Variants in RWDD1 observed in about 807,000 individuals in gnomAD.
The protein encoded by RWDD1 is RWD domain containing 1, also known as RWD domain-containing protein 1.
In RWDD1, 17 loss-of-function variants were observed where a neutral mutation model predicts 31.6. The observed-to-expected ratio is 0.54, with a 90% CI of 0.37 to 0.81. RWDD1 has a LOEUF of 0.81. Ranked by LOEUF, RWDD1 falls within the 30% of genes least tolerant of loss-of-function variation. The probability of loss-of-function intolerance (pLI) is 0.00; values close to 1 mark genes in which losing one functional copy is unlikely to be tolerated. For missense variants in RWDD1, 204 were observed against 274.5 expected (o/e 0.74, Z 1.82); for synonymous variants, 78 against 94.2 (o/e 0.83, Z 0.99).
At chr6:116,591,478 G>GT (rs773101722) in intron 6 of RWDD1, among the ~76,000 whole-genome samples, 3 of 152,190 alleles carry the variant, frequency 2.0e-5, no homozygotes, top group Non-Finnish European at 4.4e-5. Context: ...AAAACCTCAT[G>GT]TTTAACTCCT....
intron 3 of RWDD1, 130 bp from the exon 4 acceptor site, chr6:116,588,712 A>G (rs1775083135): frequency 5.1e-6 from 2 of 394,044 alleles, no homozygotes; most frequent in East Asian, 1.0e-4. Context: ...TTATTTATAT[A>G]TATGCTTACT....
At chr6:116,591,568 C>T (rs1291211640) in intron 6 of RWDD1, among the ~76,000 whole-genome samples, 2 of 152,242 alleles carry the variant, frequency 1.3e-5, no homozygotes, top group African/African-American at 2.4e-5. Flanking sequence ...CTTCTACCAC[C>T]TATACTCTTC....
chr6:116,571,718 C>T lies in RWDD1; in HGVS notation c.73+63C>T, dbSNP rs1774739647. 6.7e-6 allele frequency: 10 copies of T among 1,494,816 alleles called. No homozygotes were observed. The East Asian group carries it at 2.4e-4, about 35-fold the overall frequency. 92.6% of individuals were successfully genotyped at this position (1,494,816 alleles called of 1,614,324 possible). ...GTGGAGTAGGACGGGCAGGAGCTGC[C>T]GCAGCTCTGGGCCTCATAGGTTGGG... On this transcript the variant is annotated intron_variant, in intron 1 of 6. Transcript: ENST00000466444.
At chr6:116,587,954 A>G (rs1775073664) in intron 3 of RWDD1, among the ~76,000 whole-genome samples, 1 of 151,978 alleles carries the variant, frequency 6.6e-6, no homozygotes, top group African/African-American at 2.4e-5. Context: ...ATAATCCAGG[A>G]ATAGGTTTTG....
Position 116,597,360 on chromosome 6 carries a change from A to G in RWDD1, c.*4259A>G, listed in dbSNP as rs892003535. 3.9e-5 allele frequency: 6 copies of G among 152,216 alleles called. No individual in the cohort carries two copies. Among genetic ancestry groups the G allele is most frequent in the African/African-American group, 1.4e-4 (6 of 41,446 alleles). The allele number at this position is 152,216 out of a possible 1,614,324, so 9.4% of individuals were successfully genotyped here. ...TCCACCTTTTGGCTATTTCTACTAC[A>G]TATTTACTTATCATAAAAAATACTT... On this transcript the variant is annotated 3_prime_UTR_variant, in exon 7 of 7. Transcript: ENST00000466444.
At chr6:116,584,250 G>A (rs1313828169) in intron 2 of RWDD1, among the ~76,000 whole-genome samples, 2 of 152,136 alleles carry the variant, frequency 1.3e-5, no homozygotes, top group African/African-American at 4.8e-5. Context: ...ATACTCTCGA[G>A]GTCTAAACGG....
At chr6:116,583,057 A>C (rs1159472696) in intron 2 of RWDD1, among the ~76,000 whole-genome samples, 1 of 151,374 alleles carries the variant, frequency 6.6e-6, no homozygotes, top group Non-Finnish European at 1.5e-5. Flanking sequence ...AGCTCACTGC[A>C]GCCTCCAACT....
Position 116,580,146 on chromosome 6 carries a change from A to T in RWDD1, c.74-149A>T, listed in dbSNP as rs1774923335. Reference sequence around the variant, plus strand: ...ATAGAAAGTTGATGGTAATTTTATCATTTCAGTGTTCTGTTCAGTCTGTAT... The same window carrying T: ...ATAGAAAGTTGATGGTAATTTTATCTTTTCAGTGTTCTGTTCAGTCTGTAT... On this transcript the variant is annotated intron_variant, in intron 1 of 6. Transcript: ENST00000466444. 10 of 399,272 alleles carry T rather than the reference A, an allele frequency of 2.5e-5. No homozygotes were observed. In the Admixed American group the frequency reaches 2.7e-4, roughly 11 times the overall value. The allele number at this position is 399,272 out of a possible 1,614,324, so 24.7% of individuals were successfully genotyped here.
intron 5 of RWDD1, 100 bp downstream of exon 5, chr6:116,590,504 T>C: frequency 1.4e-6 from 2 of 1,381,862 alleles, no homozygotes; most frequent in Non-Finnish European, 1.9e-6. Context: ...GAAAATAATA[T>C]ACATAGGCAT....
At chr6:116,583,410 A>G (rs1302731009) in intron 2 of RWDD1, among the ~76,000 whole-genome samples, 2 of 152,206 alleles carry the variant, frequency 1.3e-5, no homozygotes, top group Non-Finnish European at 2.9e-5. Flanking sequence ...AGGTTCAGTT[A>G]TACAAGATGA....
chr6:116,592,589 G>A (rs1404978828), intron 6 of RWDD1, among the ~76,000 whole-genome samples: 2 of 152,106 alleles, frequency 1.3e-5, no homozygotes, highest in African/African-American at 4.8e-5. Flanking sequence ...AACAAGTATG[G>A]CTGAGCTTTA....
chr6:116,591,130 A>G (rs555784039), intron 6 of RWDD1, among the ~76,000 whole-genome samples, 180 bp downstream of exon 6: 1 of 152,178 alleles, frequency 6.6e-6, no homozygotes, highest in South Asian at 2.1e-4. Flanking sequence ...ACATGTATAT[A>G]ATGTAGTCTC....
At chr6:116,585,205 A>T (rs536410410) in intron 3 of RWDD1, among the ~76,000 whole-genome samples, 73 of 152,188 alleles carry the variant, frequency 4.8e-4, no homozygotes, top group African/African-American at 1.5e-3. Flanking sequence ...TCAACTTTTT[A>T]AAAAAATTAA....
intron 4 of RWDD1, among the ~76,000 whole-genome samples, chr6:116,589,927 AC>A (rs1309461444): frequency 6.6e-6 from 1 of 152,206 alleles, no homozygotes; most frequent in Non-Finnish European, 1.5e-5. Flanking sequence ...TCTGGGAGAT[AC>A]AATTCAAGTT....
intron 1 of RWDD1, among the ~76,000 whole-genome samples, chr6:116,578,886 T>C (rs541663226): frequency 7.9e-5 from 5 of 63,190 alleles, no homozygotes; most frequent in Admixed American, 1.8e-4. Context: ...TGGGGTTTTC[T>C]TTTTTTTGAG....
chr6:116,583,629 T>C (rs1774986491), intron 2 of RWDD1, among the ~76,000 whole-genome samples: 1 of 152,084 alleles, frequency 6.6e-6, no homozygotes, highest in African/African-American at 2.4e-5. Flanking sequence ...TATCAAAACA[T>C]CACATTGTAC....
At chr6:116,574,032 A>G (rs1471578302) in intron 1 of RWDD1, 3 of 978,722 alleles carry the variant, frequency 3.1e-6, no homozygotes, top group Non-Finnish European at 3.6e-6. Flanking sequence ...TCATAATACA[A>G]TTTCTTCTTT....
rs548134848 is a variant in RWDD1, at chr6:116,593,628, A to G, written c.*527A>G. ...TTTTAGTCCATTTTGTATTGCCGTA[A>G]AGGAATATCTGAGGCTGGGTAATTT... On this transcript the variant is annotated 3_prime_UTR_variant, in exon 7 of 7. Coordinates refer to ENST00000466444, the MANE Select transcript of RWDD1 (RefSeq NM_015952.4). 6.6e-6 allele frequency: 1 copy of G among 152,420 alleles called. No individual in the cohort carries two copies. The highest frequency in any genetic ancestry group is 1.9e-4 in the East Asian group (1 of 5,188). The allele number at this position is 152,420 out of a possible 1,614,324, so 9.4% of individuals were successfully genotyped here.
At chr6:116,577,504 A>G (rs1774868843) in intron 1 of RWDD1, among the ~76,000 whole-genome samples, 1 of 107,024 alleles carries the variant, frequency 9.3e-6, no homozygotes, top group Non-Finnish European at 2.1e-5. Flanking sequence ...CCCATTTCTG[A>G]TTGCATGTTC....
Sources: gnomAD v4.1 joint callset for allele counts (sites outside exome capture counted in the v4.1 genomes callset) on GRCh38, gnomAD v4.1.1 for gene constraint, MANE v1.5 for transcripts, NCBI Gene and HGNC (gene_info 2026-07-23, HGNC 2026-07-21) for gene names.